Variants in HK1 observed in about 807,000 individuals in gnomAD.
The protein encoded by HK1 is hexokinase 1.
Under a neutral mutation model 91.6 loss-of-function variants are expected in HK1, and 28 were observed. That is an observed-to-expected ratio of 0.31 (90% CI 0.23 to 0.42). The LOEUF is 0.42. Among genes scored for constraint, HK1 ranks in the 10% least tolerant of loss-of-function variants. The pLI is 1.00. For missense variants in HK1, 770 were observed against 1,219.8 expected, an observed-to-expected ratio of 0.63 and a Z score of 5.49; for synonymous variants, 430 against 468.1, an observed-to-expected ratio of 0.92 and a Z score of 1.05.
At chr10:69,345,778 C>G (rs1026401857) in intron 2 of HK1, among the ~76,000 whole-genome samples, 14 of 152,204 alleles carry the variant, frequency 9.2e-5, no homozygotes, top group Non-Finnish European at 2.9e-5. Flanking sequence ...CCTTCACAAA[C>G]TGTTTCCAGG....
chr10:69,365,114 A>T (rs1849636004), intron 4 of HK1, among the ~76,000 whole-genome samples: 1 of 152,110 alleles, frequency 6.6e-6, no homozygotes, highest in Admixed American at 6.5e-5. Flanking sequence ...TTGGAGACAA[A>T]TCAGGGTATT....
intron 1 of HK1, among the ~76,000 whole-genome samples, chr10:69,328,723 C>T (rs548851054): frequency 1.6e-4 from 25 of 152,262 alleles, no homozygotes; most frequent in African/African-American, 5.5e-4. Flanking sequence ...CAAGGTTGTC[C>T]GAGCACCATC....
rs1378015252 is a variant in HK1, at chr10:69,304,616, G to A, written c.27+3755G>A. Among the ~76,000 whole-genome samples the A allele has an allele frequency of 2.6e-5, 4 of 152,090 alleles. No individual in the cohort carries two copies. The East Asian group carries it at 7.7e-4, about 29-fold the overall frequency. On this transcript the variant is annotated intron_variant, in intron 5 of 21. Coordinates refer to the HK1 transcript ENST00000360289. Reference sequence around the variant, plus strand: ...AGCCACTGCGCTCAGCCTCATCTTTGTTTTAAACTATAAACTAAGTTCCTC... The same window carrying A: ...AGCCACTGCGCTCAGCCTCATCTTTATTTTAAACTATAAACTAAGTTCCTC...
At chr10:69,365,827 T>G (rs1487041227) in intron 4 of HK1, among the ~76,000 whole-genome samples, 1 of 152,052 alleles carries the variant, frequency 6.6e-6, no homozygotes, top group Non-Finnish European at 1.5e-5. Context: ...GAGTGAGACC[T>G]TGTCTTTTTT....
intron 5 of HK1, among the ~76,000 whole-genome samples, chr10:69,303,732 C>T (rs989488779): frequency 6.6e-6 from 1 of 152,166 alleles, no homozygotes; most frequent in African/African-American, 2.4e-5. Flanking sequence ...TGCCCACTGC[C>T]TAGACAGAGC....
chr10:69,323,781 T>A (rs1397171933), intron 1 of HK1, among the ~76,000 whole-genome samples: 2 of 152,196 alleles, frequency 1.3e-5, no homozygotes, highest in African/African-American at 2.4e-5. Flanking sequence ...CTGGCCAAGC[T>A]GTGCCATGCT....
At chr10:69,290,333 A>G (rs566234440) in intron 3 of HK1, among the ~76,000 whole-genome samples, 1 of 152,204 alleles carries the variant, frequency 6.6e-6, no homozygotes. Flanking sequence ...AGTTGCTTCC[A>G]CCTCGAGGCA....
rs369448266 is a variant in HK1 at position 69,392,661 on chromosome 10, A to T, written c.2219+353A>T. On this transcript the variant is annotated intron_variant, in intron 15 of 17. Coordinates refer to ENST00000359426, the MANE Select transcript of HK1 (RefSeq NM_000188.3). ...GCTGGGCGGCAGGTTGGTGTGAAGC[A>T]GAGGCCCTGTCGCAATCGTCCTTTC... 6.4e-4 allele frequency among the ~76,000 whole-genome samples: 98 copies of T among 152,326 alleles called. 1 individual carries two copies. The highest frequency in any genetic ancestry group is 2.2e-3 in the African/African-American group (91 of 41,568).
At chr10:69,390,376 TTTCATAGCTAC>T (rs143416386) in intron 14 of HK1, among the ~76,000 whole-genome samples, 107,799 of 151,652 alleles carry the variant, frequency 0.71, 38,664 homozygotes, top group African/African-American at 0.78. Context: ...TCCAGCTACA[TTTCATAGCTAC>T]TTCATAGCTA....
rs939002984 is a variant in HK1, at chr10:69,369,375, A to G, written c.691+39A>G. 1 of 1,613,722 alleles carries G rather than the reference A, an allele frequency of 6.2e-7. No individual in the cohort carries two copies. Among genetic ancestry groups the G allele is most frequent in the Admixed American group, 1.7e-5 (1 of 60,022 alleles). On this transcript the variant is annotated intron_variant, in intron 6 of 17. Transcript: ENST00000359426. The surrounding 1 kb of genome is among the most constrained non-coding windows in gnomAD (Gnocchi z 4.4). ...CTTTGCCCATCCATTTGTTCGGCCC[A>G]TCTTTCCAGGTGGCTCTGCACCCTC...
At chr10:69,278,046 G>A (rs372719096) in intron 1 of HK1, among the ~76,000 whole-genome samples, 2 of 138,974 alleles carry the variant, frequency 1.4e-5, no homozygotes, top group Non-Finnish European at 3.2e-5. Flanking sequence ...AAAAAAAAAA[G>A]GTTTGTTTTA....
chr10:69,308,585 G>T (rs764337078), intron 5 of HK1, among the ~76,000 whole-genome samples: 2 of 152,120 alleles, frequency 1.3e-5, no homozygotes, highest in Non-Finnish European at 2.9e-5. Flanking sequence ...AACATAAACG[G>T]TTAGGTCAGG....
intron 16 of HK1, 49 bp downstream of exon 16, chr10:69,395,154 C>T: frequency 6.9e-6 from 11 of 1,593,426 alleles, no homozygotes; most frequent in Non-Finnish European, 9.4e-6. Flanking sequence ...CAGAGGTCGC[C>T]TGGCTGGTGG....
At chr10:69,277,551 G>C (rs1395053073) in intron 1 of HK1, among the ~76,000 whole-genome samples, 2 of 152,252 alleles carry the variant, frequency 1.3e-5, no homozygotes, top group African/African-American at 2.4e-5. Context: ...CCGGGCGACA[G>C]AGTAAGACCC....
intron 1 of HK1, among the ~76,000 whole-genome samples, chr10:69,271,873 C>CT (rs1196555924): frequency 1.4e-5 from 2 of 145,286 alleles, no homozygotes; most frequent in South Asian, 2.2e-4. Flanking sequence ...CTTTTTTTTT[C>CT]TTTTTTTTGA....
At chr10:69,338,841 G>C (rs1848151929) in intron 1 of HK1, among the ~76,000 whole-genome samples, 1 of 152,058 alleles carries the variant, frequency 6.6e-6, no homozygotes, top group African/African-American at 2.4e-5. Context: ...ATCTGGAGAT[G>C]CTGTGGAGAG....
intron 2 of HK1, among the ~76,000 whole-genome samples, chr10:69,283,919 A>G (rs1336959839): frequency 6.6e-6 from 1 of 152,166 alleles, no homozygotes; most frequent in East Asian, 1.9e-4. Context: ...GATGAGGCCC[A>G]GAGAGAGGCA....
intron 1 of HK1, among the ~76,000 whole-genome samples, chr10:69,324,109 C>G (rs940537768): frequency 2.6e-5 from 4 of 152,156 alleles, no homozygotes; most frequent in African/African-American, 4.8e-5. Flanking sequence ...TGGGCTCAGG[C>G]AGTCCTCCCG....
upstream of HK1, among the ~76,000 whole-genome samples, chr10:69,312,289 G>A (rs906183878): frequency 6.6e-6 from 1 of 152,134 alleles, no homozygotes; most frequent in Non-Finnish European, 1.5e-5. Context: ...CAGGCTGGAG[G>A]GCAGTGGCAT....
Sources: allele counts gnomAD v4.1 joint callset (sites outside exome capture counted in the v4.1 genomes callset), GRCh38; gene constraint gnomAD v4.1.1; non-coding constraint Gnocchi (gnomAD v3.1); transcripts MANE v1.5; gene names NCBI Gene and HGNC (gene_info 2026-07-23, HGNC 2026-07-21).